The following AFAP1L2 variants were observed in gnomAD, a reference collection of about 807,000 sequenced individuals.
The protein encoded by AFAP1L2 is actin filament associated protein 1 like 2.
In AFAP1L2, 46 loss-of-function variants were observed where a neutral mutation model predicts 99.3. That is an observed-to-expected ratio of 0.46 (90% confidence interval 0.37 to 0.59). The LOEUF (loss-of-function observed/expected upper bound fraction) is 0.59, where lower values mean the gene tolerates loss of function less well. AFAP1L2 is among the 20% of genes least tolerant of loss of function. AFAP1L2 has a pLI of 0.00. For missense variants in AFAP1L2, 959 were observed against 1,034.9 expected, an observed-to-expected ratio of 0.93 and a Z score of 1.01; for synonymous variants, 397 against 419.1, an observed-to-expected ratio of 0.95 and a Z score of 0.64.
Position 114,363,008 on chromosome 10 carries a change from G to C in AFAP1L2, c.17-22277C>G, listed in dbSNP as rs78904678. ...GGTGGCAGCCCGACAGGTGGGGAGG[G>C]ACAGCTGCATGGAGCCCACCAGAGA... On this transcript the variant is annotated intron_variant, in intron 1 of 18. Transcript: ENST00000304129. The C allele has an allele frequency of 9.8e-4, 969 of 985,412 alleles. 10 individuals carry two copies. The African/African-American group carries it at 0.016, about 16-fold the overall frequency. The allele number at this position is 985,412 out of a possible 1,614,324, so 61.0% of individuals were successfully genotyped here. A position where few individuals can be genotyped will look rare whatever the true frequency, so the allele number is the denominator to read the frequency against.
At chr10:114,300,737 C>A in intron 13 of AFAP1L2, 47 bp from the exon 14 acceptor site, 2 of 1,539,992 alleles carry the variant, frequency 1.3e-6, no homozygotes, top group South Asian at 2.6e-5. Context: ...CCTCTACTCC[C>A]TCAGCTGTGG....
chr10:114,304,434 T>C (rs1341630002), intron 11 of AFAP1L2, among the ~76,000 whole-genome samples: 1 of 152,110 alleles, frequency 6.6e-6, no homozygotes, highest in African/African-American at 2.4e-5. Context: ...AACACCCACT[T>C]TGAATCCCCA....
chr10:114,292,091 A>T (rs986805057), downstream of AFAP1L2, among the ~76,000 whole-genome samples: 2 of 152,154 alleles, frequency 1.3e-5, no homozygotes, highest in Non-Finnish European at 2.9e-5. Flanking sequence ...AGCCTGGCCA[A>T]CGTGGTGAAA....
At chr10:114,310,563 A>C in intron 7 of AFAP1L2, 120 bp from the exon 8 acceptor site, 1 of 900,464 alleles carries the variant, frequency 1.1e-6, no homozygotes, top group Non-Finnish European at 1.7e-6. Context: ...AGAGAAGATG[A>C]ATTTCCAAGG....
intron 1 of AFAP1L2, among the ~76,000 whole-genome samples, chr10:114,380,016 T>C (rs1361107660): frequency 6.6e-6 from 1 of 152,226 alleles, no homozygotes; most frequent in Non-Finnish European, 1.5e-5. Flanking sequence ...ACTCCATCCC[T>C]TCCAGGGATC....
intron 4 of AFAP1L2, among the ~76,000 whole-genome samples, chr10:114,325,273 C>T (rs1308295956): frequency 6.6e-6 from 1 of 152,218 alleles, no homozygotes; most frequent in Non-Finnish European, 1.5e-5. Flanking sequence ...TACAAGGAGG[C>T]CATTGTTATC....
chr10:114,404,665 G>T, upstream of AFAP1L2: 1 of 604,348 alleles, frequency 1.7e-6, no homozygotes, highest in South Asian at 6.7e-5. Context: ...CTGTCCCAGC[G>T]CCGGAGAACT....
At chr10:114,319,566 G>A in intron 5 of AFAP1L2, 1 of 1,289,638 alleles carries the variant, frequency 7.8e-7, no homozygotes, top group South Asian at 1.2e-5. Flanking sequence ...CAGTACCCAA[G>A]GTGATCGTGG....
chr10:114,308,663 A>G (rs1302301489), intron 8 of AFAP1L2, 146 bp from the exon 9 acceptor site: 1 of 675,816 alleles, frequency 1.5e-6, no homozygotes, highest in African/African-American at 1.8e-5. Context: ...AAACGGCAGA[A>G]TCCAGGTCAC....
chr10:114,307,752 G>C, intron 10 of AFAP1L2, 53 bp downstream of exon 10: 2 of 1,512,492 alleles, frequency 1.3e-6, no homozygotes, highest in South Asian at 2.3e-5. Flanking sequence ...CCTTCCTGCA[G>C]GTTCCAGCCC....
chr10:114,318,751 A>AAAAAAAAAAG (rs751216289), intron 5 of AFAP1L2, among the ~76,000 whole-genome samples: 2 of 147,766 alleles, frequency 1.4e-5, no homozygotes, highest in African/African-American at 2.5e-5. Flanking sequence ...AAAAAAAGAA[A>AAAAAAAAAAG]AAAAAAAGAA....
rs961339746 is a variant in AFAP1L2 at position 114,383,063 on chromosome 10, T to C, written c.16+21377A>G. Among the ~76,000 whole-genome samples, 7 of 152,270 alleles carry C rather than the reference T, an allele frequency of 4.6e-5. No homozygotes were observed. In the East Asian group the frequency reaches 1.3e-3, roughly 29 times the overall value. On this transcript the variant is annotated intron_variant, in intron 1 of 18. Transcript: ENST00000304129. ...TGTACTCCATAAATACGTCAATTAT[T>C]ATATAGCCATGAAAGAGGAAAAAAA...
At chr10:114,381,336 G>A (rs2055588954) in intron 1 of AFAP1L2, among the ~76,000 whole-genome samples, 1 of 152,206 alleles carries the variant, frequency 6.6e-6, no homozygotes, top group Non-Finnish European at 1.5e-5. Flanking sequence ...AGGGAAATCT[G>A]TAGGAACAGA....
intron 16 of AFAP1L2, among the ~76,000 whole-genome samples, 186 bp downstream of exon 16, chr10:114,299,068 TGTCCAG>T (rs1208178554): frequency 6.6e-6 from 1 of 152,232 alleles, no homozygotes; most frequent in African/African-American, 2.4e-5. Flanking sequence ...TTTCTCTCTC[TGTCCAG>T]GAGAATGACC....
chr10:114,327,173 ATT>A (rs148962632), intron 4 of AFAP1L2, among the ~76,000 whole-genome samples: 1,120 of 18,678 alleles, frequency 0.06, 280 homozygotes, highest in East Asian at 0.36. Context: ...ATATATATAT[ATT>A]TTTTTTTTAG....
chr10:114,369,731 T>C (rs1024742000), intron 1 of AFAP1L2, among the ~76,000 whole-genome samples: 2 of 152,178 alleles, frequency 1.3e-5, no homozygotes, highest in Admixed American at 6.5e-5. Flanking sequence ...GTTTTACCTA[T>C]GCCTCCACAT....
chr10:114,297,662 G>A (rs80190257), intron 16 of AFAP1L2, among the ~76,000 whole-genome samples: 4,420 of 152,312 alleles, frequency 0.029, 239 homozygotes, highest in African/African-American at 0.1. Flanking sequence ...TGAGTCTGAG[G>A]CCTTAAGTCC....
chr10:114,333,411 A>C (rs1321728161), intron 2 of AFAP1L2, 116 bp from the exon 3 acceptor site: 7 of 754,008 alleles, frequency 9.3e-6, no homozygotes, highest in Non-Finnish European at 1.6e-5. Context: ...GTAAAAGCAC[A>C]CAGCATTTTC....
downstream of AFAP1L2, among the ~76,000 whole-genome samples, chr10:114,293,067 G>C (rs1415260057): frequency 4.6e-5 from 7 of 152,146 alleles, no homozygotes; most frequent in South Asian, 8.3e-4. Context: ...AGGGTACTTT[G>C]GCTTTAAGAA....
Sources: gnomAD v4.1 joint callset for allele counts (sites outside exome capture counted in the v4.1 genomes callset) on GRCh38, gnomAD v4.1.1 for gene constraint, MANE v1.5 for transcripts, NCBI Gene and HGNC (gene_info 2026-07-23, HGNC 2026-07-21) for gene names.